Variants in SH2B2 observed in about 807,000 individuals in gnomAD.
SH2B2 encodes SH2B adapter protein 2.
In SH2B2, 37 loss-of-function variants were observed where a neutral mutation model predicts 35.7. The ratio of observed to expected loss-of-function variants is 1.04; its 90% CI spans 0.80 to 1.36. The LOEUF (loss-of-function observed/expected upper bound fraction) is 1.36, where lower values mean the gene tolerates loss of function less well. Ranked by LOEUF, SH2B2 falls within the 40% of genes most tolerant of loss-of-function variation. The pLI is 0.00. For missense variants in SH2B2, 852 were observed against 817.7 expected, an observed-to-expected ratio of 1.04 and a Z score of -0.51; for synonymous variants, 383 against 376.4, an observed-to-expected ratio of 1.02 and a Z score of -0.20.
chr7:102,317,003 CAA>C lies in SH2B2; in HGVS notation c.1187-183_1187-182del, dbSNP rs578171805. On this transcript the variant is annotated intron_variant, in intron 6 of 8. Coordinates refer to ENST00000444095, the MANE Select transcript of SH2B2 (RefSeq NM_001359228.2). ...CAGCATTGCACTCCAGCCTGGGCGA[CAA>C]GAGCGAAACTTCGTCTCAAAAAAAA... The C allele has an allele frequency of 2.5e-4, 139 of 553,738 alleles. 2 individuals are homozygous for C. Among genetic ancestry groups the C allele is most frequent in the African/African-American group, 2.4e-3 (126 of 52,530 alleles). 34.3% of individuals were successfully genotyped at this position (553,738 alleles called of 1,614,324 possible).
chr7:102,295,425 A>C (rs2132925652), intron 1 of SH2B2, among the ~76,000 whole-genome samples: 1 of 152,278 alleles, frequency 6.6e-6, no homozygotes, highest in South Asian at 2.1e-4. Flanking sequence ...CCACCCCAGG[A>C]AATACCACCC....
chr7:102,296,748 G>A (rs782262409), intron 1 of SH2B2, among the ~76,000 whole-genome samples: 36 of 152,226 alleles, frequency 2.4e-4, no homozygotes, highest in South Asian at 2.1e-4. Flanking sequence ...ATTCCAGAAC[G>A]TGGGAATGTA....
intron 1 of SH2B2, among the ~76,000 whole-genome samples, chr7:102,294,262 A>G (rs1554552238): frequency 6.6e-6 from 1 of 152,148 alleles, no homozygotes; most frequent in Non-Finnish European, 1.5e-5. Flanking sequence ...TCCTGAGCTC[A>G]AGTGATCTAC....
intron 1 of SH2B2, among the ~76,000 whole-genome samples, chr7:102,290,865 C>T (rs1554551692): frequency 6.6e-6 from 1 of 152,202 alleles, no homozygotes; most frequent in African/African-American, 2.4e-5. Flanking sequence ...CTGCCAAGAG[C>T]AGTTGGAGGA....
rs1554557285 is a variant in SH2B2, at chr7:102,317,381, C to A, written c.1381C>A (p.Gln461Lys). ...GGAGTACGTGCTGACCTTCAACTTC[C>A]AGGGCAAGGCCAAGGCAAGTGTGTG... is the stretch of plus-strand genomic sequence containing the variant. The part of the protein sequence containing the change: ...PGEYVLTFNF[Q>K]GKAKHLRLSL... The change falls in exon 7 of 9, where the codon CAG becomes AAG. Residue 461 changes from glutamine to lysine, a missense_variant. Gln to Lys is a moderately conservative substitution (Grantham distance 53). Around this residue, in one of 3 missense-constraint regions of SH2B2, gnomAD observed 556 missense variants for 514.5 expected, o/e 1.08. Coordinates refer to ENST00000444095, the MANE Select transcript of SH2B2 (RefSeq NM_001359228.2). 1.3e-6 allele frequency: 2 copies of A among 1,581,176 alleles called. No individual in the cohort carries two copies. Among genetic ancestry groups the A allele is most frequent in the Non-Finnish European group, 1.7e-6 (2 of 1,156,868 alleles).
At chr7:102,289,204 G>C (rs1257360274) in intron 1 of SH2B2, among the ~76,000 whole-genome samples, 1 of 152,188 alleles carries the variant, frequency 6.6e-6, no homozygotes, top group Non-Finnish European at 1.5e-5. Flanking sequence ...AGCAGGGTTT[G>C]GGCCCCATTC....
chr7:102,308,892 C>A lies in SH2B2; in HGVS notation c.909C>A (p.Gly303=), dbSNP rs782586650. ...QKHSWVADIQ[G]CVDPGDSEED... ...ACTCGTGGGTAGCTGACATCCAGGG[C>A]TGCGTGGACCCCGGGTGAGTGTCCA... The change falls in exon 4 of 9, where the codon GGC becomes GGA. Residue 303 remains glycine, a synonymous_variant. Transcript: ENST00000444095. The A allele has an allele frequency of 1.2e-6, 2 of 1,613,386 alleles. No homozygotes were observed. Among genetic ancestry groups the A allele is most frequent in the Non-Finnish European group, 1.7e-6 (2 of 1,179,728 alleles).
chr7:102,319,924 G>A (rs1793987737), intron 7 of SH2B2, among the ~76,000 whole-genome samples: 1 of 152,088 alleles, frequency 6.6e-6, no homozygotes, highest in Non-Finnish European at 1.5e-5. Flanking sequence ...AGCCTCCTGG[G>A]CTGGGGGAAC....
chr7:102,310,970 G>C (rs973357801), intron 4 of SH2B2, among the ~76,000 whole-genome samples: 1 of 152,348 alleles, frequency 6.6e-6, no homozygotes, highest in South Asian at 2.1e-4. Flanking sequence ...TGTCCACTCA[G>C]TGGTATCCGG....
In SH2B2 at chr7:102,301,166, G is replaced by C. The variant is rs781929320; in HGVS notation, c.616G>C (p.Asp206His). 1 of 1,570,196 alleles carries C rather than the reference G, an allele frequency of 6.4e-7. No individual in the cohort carries two copies. Among genetic ancestry groups the C allele is most frequent in the Admixed American group, 1.9e-5 (1 of 52,770 alleles). ...REGALRFMVA[D>H]DAAAGSGGSA... ...GGGGGCGCTGCGCTTCATGGTGGCCGACGACGCGGCCGCGGGCTCCGGGGG... is the reference window on the plus strand; with the variant it reads ...GGGGGCGCTGCGCTTCATGGTGGCCCACGACGCGGCCGCGGGCTCCGGGGG... Residue 206 changes from aspartate (D) to histidine (H), a missense_variant, in exon 2 of 9, where the codon GAC becomes CAC. Coordinates refer to ENST00000444095, the MANE Select transcript of SH2B2 (RefSeq NM_001359228.2).
At chr7:102,287,360 G>A (rs1185890232) in intron 1 of SH2B2, among the ~76,000 whole-genome samples, 2 of 152,142 alleles carry the variant, frequency 1.3e-5, no homozygotes. Flanking sequence ...CGCCTCTGGA[G>A]CAGCTGCGCC....
Position 102,300,652 on chromosome 7 carries a change from C to T in SH2B2, c.102C>T (p.Ala34=). 1.3e-6 allele frequency: 2 copies of T among 1,549,468 alleles called. No individual in the cohort carries two copies. The change falls in exon 2 of 9, where the codon GCC becomes GCT. Residue 34 remains alanine (A), a synonymous_variant. Transcript: ENST00000444095. The part of the protein sequence containing the change: ...RQFCELHAQA[A]AVDFAHKFCR... ...TCTGCGAGCTGCATGCGCAGGCGGC[C>T]GCCGTGGACTTTGCGCACAAGTTCT...
chr7:102,301,218 T>A lies in SH2B2; in HGVS notation c.668T>A (p.Leu223Gln). 2.5e-6 allele frequency: 4 copies of A among 1,597,322 alleles called. No individual in the cohort carries two copies. Among genetic ancestry groups the A allele is most frequent in the Non-Finnish European group, 3.4e-6 (4 of 1,173,348 alleles). ...TCGGCTCAGTGGCAGAAGTGCCGCC[T>A]GCTCCTGCGCAGGGCTGTGGCCGAG... ...GGSAQWQKCR[L>Q]LLRRAVAEER... Residue 223 changes from leucine to glutamine, a missense_variant, in exon 2 of 9, where the codon CTG becomes CAG. Physicochemically the swap from Leu to Gln is moderately radical, Grantham distance 113 (BLOSUM62 -2). Around this residue, in one of 3 missense-constraint regions of SH2B2, gnomAD observed 556 missense variants for 514.5 expected, o/e 1.08. Coordinates refer to ENST00000444095, the MANE Select transcript of SH2B2 (RefSeq NM_001359228.2).
chr7:102,317,419 G>C (rs1298542200), intron 7 of SH2B2, 24 bp downstream of exon 7: 12 of 1,534,886 alleles, frequency 7.8e-6, no homozygotes, highest in Non-Finnish European at 1.1e-5. Flanking sequence ...GGGCGCCATG[G>C]GGGTGCAGTG....
In SH2B2 at chr7:102,317,410, G is replaced by T. The variant is rs1793891193; in HGVS notation, c.1395+15G>T. On this transcript the variant is annotated intron_variant, in intron 7 of 8. Transcript: ENST00000444095. ...GCAAGGCCAAGGCAAGTGTGTGGGGGGCGCCATGGGGGTGCAGTGGCCAGC... is the reference window on the plus strand; with the variant it reads ...GCAAGGCCAAGGCAAGTGTGTGGGGTGCGCCATGGGGGTGCAGTGGCCAGC... 1 of 1,548,144 alleles carries T rather than the reference G, an allele frequency of 6.5e-7. No homozygotes were observed. The highest frequency in any genetic ancestry group is 1.2e-5 in the South Asian group (1 of 81,616).
At chr7:102,299,798 A>C (rs1554553187) in intron 1 of SH2B2, among the ~76,000 whole-genome samples, 1 of 152,194 alleles carries the variant, frequency 6.6e-6, no homozygotes, top group Admixed American at 6.5e-5. Context: ...ACTTGAAAGC[A>C]TCCATCATCC....
chr7:102,303,714 G>C (rs1394653482), intron 2 of SH2B2, among the ~76,000 whole-genome samples: 3 of 152,324 alleles, frequency 2.0e-5, no homozygotes, highest in Non-Finnish European at 4.4e-5. Flanking sequence ...GCCCAGTGAC[G>C]GGTGGGGTGG....
At position 102,287,108 on chromosome 7, in the gene SH2B2, A is replaced by C. The variant is rs2132879037; in HGVS notation, c.-30+14A>C. On this transcript the variant is annotated intron_variant, in intron 1 of 8. Coordinates refer to ENST00000444095, the MANE Select transcript of SH2B2 (RefSeq NM_001359228.2). ...GCGCGCCTGTAGGTATGGCCTCCTTATACCCAGTTCCTCGCTCCCTGGTCC... is the reference window on the plus strand; with the variant it reads ...GCGCGCCTGTAGGTATGGCCTCCTTCTACCCAGTTCCTCGCTCCCTGGTCC... The C allele has an allele frequency of 6.6e-6, 1 of 151,952 alleles. No individual in the cohort carries two copies. The highest frequency in any genetic ancestry group is 6.5e-5 in the Admixed American group (1 of 15,282). 9.4% of individuals were successfully genotyped at this position (151,952 alleles called of 1,614,324 possible).
rs1793110585 is a variant in SH2B2, at chr7:102,300,584, G to T, written c.34G>T (p.Ala12Ser). 1.0e-5 allele frequency: 16 copies of T among 1,549,742 alleles called. No homozygotes were observed. The highest frequency in any genetic ancestry group is 1.4e-5 in the Non-Finnish European group (16 of 1,146,466). Residue 12 changes from alanine to serine, a missense_variant, in exon 2 of 9, where the codon GCC (alanine) becomes TCC (serine). Around this residue, in one of 3 missense-constraint regions of SH2B2, gnomAD observed 294 missense variants for 286.6 expected, o/e 1.03. Transcript: ENST00000444095. Reference sequence around the variant, plus strand: ...TGCCGGCCCTGGCCCCGCCGCAGCCGCCCCGGTCCCAGTCCCGGTCCCGGT... The same window carrying T: ...TGCCGGCCCTGGCCCCGCCGCAGCCTCCCCGGTCCCAGTCCCGGTCCCGGT... ...NGAGPGPAAAAPVPVPVPVPD... is the reference protein window; with the variant it reads ...NGAGPGPAAASPVPVPVPVPD...
Sources: allele counts gnomAD v4.1 joint callset (sites outside exome capture counted in the v4.1 genomes callset), GRCh38; gene constraint gnomAD v4.1.1; regional missense constraint gnomAD v4.1.1; transcripts MANE v1.5; gene names NCBI Gene and HGNC (gene_info 2026-07-23, HGNC 2026-07-21).